The following PABPC4L variants were observed in gnomAD, a reference collection of about 807,000 sequenced individuals.
The protein encoded by PABPC4L is poly(A) binding protein cytoplasmic 4 like, also known as polyadenylate-binding protein 4-like.
For synonymous variants in PABPC4L, 169 were observed against 164.1 expected, an observed-to-expected ratio of 1.03 and a Z score of -0.23; for missense variants, 452 against 451.4, an observed-to-expected ratio of 1.00 and a Z score of -0.01.
At chr4:134,155,501 C>G in the PABPC4L span, among the ~76,000 whole-genome samples, 97 of 148,678 alleles carry the variant, frequency 6.5e-4, no homozygotes, top group Non-Finnish European at 1.1e-3. Context: ...AGATCTATGT[C>G]TATCTTCCCC....
chr4:134,046,291 T>C, the PABPC4L span, among the ~76,000 whole-genome samples: 1 of 152,176 alleles, frequency 6.6e-6, no homozygotes, highest in Middle Eastern at 3.4e-3. Context: ...CAAGGGAAGG[T>C]ACTATGCCTG....
chr4:134,079,203 C>G, the PABPC4L span, among the ~76,000 whole-genome samples: 1 of 151,260 alleles, frequency 6.6e-6, no homozygotes, highest in Non-Finnish European at 1.5e-5. Flanking sequence ...AACTCCTGAC[C>G]TCGTGTCCCG....
the PABPC4L span, among the ~76,000 whole-genome samples, chr4:134,072,109 A>G: frequency 1.4e-4 from 21 of 152,092 alleles, no homozygotes; most frequent in Non-Finnish European, 2.9e-4. Context: ...AAAAAATGTG[A>G]TTTCTTTTTG....
At chr4:133,988,352 G>T in the PABPC4L span, among the ~76,000 whole-genome samples, 1 of 152,160 alleles carries the variant, frequency 6.6e-6, no homozygotes, top group African/African-American at 2.4e-5. Flanking sequence ...AAAACTGAAA[G>T]CAAATTAGTT....
chr4:133,981,651 T>C, the PABPC4L span, among the ~76,000 whole-genome samples: 1 of 152,056 alleles, frequency 6.6e-6, no homozygotes, highest in Non-Finnish European at 1.5e-5. Context: ...TCTAGCATAA[T>C]TTGAAGCTGA....
chr4:134,126,607 T>C, the PABPC4L span, among the ~76,000 whole-genome samples: 1 of 152,148 alleles, frequency 6.6e-6, no homozygotes, highest in Non-Finnish European at 1.5e-5. Context: ...TTTTTTGGTT[T>C]TTATTTTTTC....
the PABPC4L span, among the ~76,000 whole-genome samples, chr4:134,180,161 A>G: frequency 6.6e-6 from 1 of 152,144 alleles, no homozygotes; most frequent in Non-Finnish European, 1.5e-5. Flanking sequence ...AATCCTCAGC[A>G]AATTCATAAA....
chr4:134,041,618 C>A, the PABPC4L span, among the ~76,000 whole-genome samples: 1 of 151,828 alleles, frequency 6.6e-6, no homozygotes, highest in Non-Finnish European at 1.5e-5. Flanking sequence ...AGGAGAAATA[C>A]CCAGGTGATG....
chr4:134,154,137 G>A, the PABPC4L span, among the ~76,000 whole-genome samples: 1 of 152,010 alleles, frequency 6.6e-6, no homozygotes, highest in Non-Finnish European at 1.5e-5. Context: ...AGGAAACATT[G>A]ACTCCATAGA....
At chr4:134,046,191 A>C in the PABPC4L span, among the ~76,000 whole-genome samples, 4 of 152,170 alleles carry the variant, frequency 2.6e-5, no homozygotes, top group East Asian at 7.8e-4. Flanking sequence ...CTATCTCAGC[A>C]AGGGGAATGG....
At chr4:133,957,560 T>C in the PABPC4L span, among the ~76,000 whole-genome samples, 1 of 152,300 alleles carries the variant, frequency 6.6e-6, no homozygotes, top group Middle Eastern at 3.4e-3. Context: ...GGCCCTCTTC[T>C]TACAGCCCCA....
chr4:134,107,415 GTTTAA>G, the PABPC4L span, among the ~76,000 whole-genome samples: 8 of 151,368 alleles, frequency 5.3e-5, no homozygotes, highest in Admixed American at 3.3e-4. Flanking sequence ...AAATATCACT[GTTTAA>G]TTTAGTTAAA....
the PABPC4L span, among the ~76,000 whole-genome samples, chr4:134,042,357 G>T: frequency 6.6e-6 from 1 of 152,066 alleles, no homozygotes. Context: ...CACTACTCAG[G>T]TGATGGGTGC....
the PABPC4L span, among the ~76,000 whole-genome samples, chr4:134,088,804 T>C: frequency 5.3e-5 from 8 of 152,112 alleles, no homozygotes; most frequent in African/African-American, 1.2e-4. Context: ...TATTTTGTTA[T>C]AGGAGCACAG....
chr4:134,088,586 T>C, the PABPC4L span, among the ~76,000 whole-genome samples: 1 of 151,932 alleles, frequency 6.6e-6, no homozygotes, highest in African/African-American at 2.4e-5. Flanking sequence ...TGAGCTCTAG[T>C]GGATGGGATT....
At chr4:134,061,780 T>C in the PABPC4L span, among the ~76,000 whole-genome samples, 1 of 151,326 alleles carries the variant, frequency 6.6e-6, no homozygotes, top group Non-Finnish European at 1.5e-5. Flanking sequence ...TAAATGCTCA[T>C]GTCTTAATAG....
the PABPC4L span, among the ~76,000 whole-genome samples, chr4:134,003,531 C>A: frequency 6.6e-6 from 1 of 151,722 alleles, no homozygotes; most frequent in African/African-American, 2.4e-5. Context: ...ATAAATAAAT[C>A]ATTCATCAAT....
chr4:134,084,045 C>T, the PABPC4L span, among the ~76,000 whole-genome samples: 6 of 151,854 alleles, frequency 4.0e-5, no homozygotes, highest in Admixed American at 3.9e-4. Flanking sequence ...TCTAATGTTA[C>T]TTGTGTAATT....
chr4:134,135,623 G>A, the PABPC4L span, among the ~76,000 whole-genome samples: 1 of 152,032 alleles, frequency 6.6e-6, no homozygotes, highest in African/African-American at 2.4e-5. Context: ...CCTGAGGTCG[G>A]GAGTTTGAGA....
Sources: allele counts gnomAD v4.1 joint callset (sites outside exome capture counted in the v4.1 genomes callset), GRCh38; gene constraint gnomAD v4.1.1; transcripts MANE v1.5; gene names NCBI Gene and HGNC (gene_info 2026-07-23, HGNC 2026-07-21).